MPPED1: variants seen among roughly 807,000 people sequenced by gnomAD.
MPPED1 encodes the protein metallophosphoesterase domain containing 1, also known as metallophosphoesterase domain-containing protein 1.
A neutral mutation model predicts 36.2 loss-of-function variants in MPPED1; 16 were observed. The observed-to-expected ratio is 0.44, with a 90% confidence interval of 0.30 to 0.67. The LOEUF is 0.67. Among genes scored for constraint, MPPED1 ranks in the 30% least tolerant of loss-of-function variants. MPPED1 has a pLI of 0.10. For synonymous variants in MPPED1, 199 were observed against 191.3 expected (o/e 1.04, Z -0.33); for missense variants, 307 against 453.4 (o/e 0.68, Z 2.93).
In MPPED1 at chr22:43,474,842, A is replaced by C. The variant is rs998992233; in HGVS notation, c.513A>C (p.Pro171=). ...DLIKQDFYYF[P]SVSKLKPENY... ...TCAAGCAGGACTTTTACTACTTCCC[A>C]TCTGTGTCGAAGCTGAAGCCGGAGA... The change falls in exon 4 of 7, where the codon CCA becomes CCC. Residue 171 remains proline, a synonymous_variant. Transcript: ENST00000443721. The surrounding 1 kb of genome is among the most constrained non-coding windows in gnomAD (Gnocchi z 5.2). 1 of 1,613,994 alleles carries C rather than the reference A, an allele frequency of 6.2e-7. No homozygotes were observed. Among genetic ancestry groups the C allele is most frequent in the Non-Finnish European group, 8.5e-7 (1 of 1,179,884 alleles).
At chr22:43,447,892 T>A (rs9612074) in intron 3 of MPPED1, among the ~76,000 whole-genome samples, 4 of 134,272 alleles carry the variant, frequency 3.0e-5, no homozygotes, top group African/African-American at 5.7e-5. Context: ...TATTTTTTTT[T>A]TTTTTAGACA....
rs750931418 is a variant in MPPED1, at chr22:43,425,110, G to C, written c.125G>C (p.Arg42Pro). 1.2e-6 allele frequency: 2 copies of C among 1,613,854 alleles called. No individual in the cohort carries two copies. The highest frequency in any genetic ancestry group is 1.7e-6 in the Non-Finnish European group (2 of 1,179,904). ...VMAARRHQHSRLIIEVDEYSS... is the reference protein window; with the variant it reads ...VMAARRHQHSPLIIEVDEYSS... ...GCCGCTCGGCGGCACCAGCACAGCC[G>C]GCTCATCATCGAGGTGGACGAGTAC... The change falls in exon 2 of 7, where the codon CGG becomes CCG. Residue 42 changes from arginine (R) to proline (P), a missense_variant. Physicochemically the swap from Arg to Pro is moderately radical, Grantham distance 103. Coordinates refer to ENST00000443721, the MANE Select transcript of MPPED1 (RefSeq NM_001044370.2).
At chr22:43,454,100 C>A (rs192893260) in intron 3 of MPPED1, among the ~76,000 whole-genome samples, 2 of 151,848 alleles carry the variant, frequency 1.3e-5, no homozygotes, top group Admixed American at 6.6e-5. Context: ...CCTCTGCCTC[C>A]CTGGTTCAAG....
chr22:43,467,681 G>A (rs963627935), intron 3 of MPPED1, among the ~76,000 whole-genome samples: 6 of 152,202 alleles, frequency 3.9e-5, no homozygotes, highest in Admixed American at 2.0e-4. Flanking sequence ...TACTAAAAAT[G>A]CAATCAGAGA....
intron 1 of MPPED1, among the ~76,000 whole-genome samples, chr22:43,421,171 C>G (rs1470659982): frequency 2.0e-5 from 3 of 152,270 alleles, no homozygotes; most frequent in Non-Finnish European, 2.9e-5. Flanking sequence ...TAGCTCAAAG[C>G]TGTTTGTTTG....
intron 3 of MPPED1, among the ~76,000 whole-genome samples, chr22:43,447,318 C>T (rs1485822502): frequency 6.6e-6 from 1 of 152,132 alleles, no homozygotes; most frequent in African/African-American, 2.4e-5. Flanking sequence ...GGATATGAAA[C>T]AAGCCTGTAG....
intron 4 of MPPED1, among the ~76,000 whole-genome samples, chr22:43,495,606 T>TGGAGGA (rs1448874533): frequency 1.2e-5 from 1 of 86,792 alleles, no homozygotes; most frequent in African/African-American, 3.6e-5. Context: ...GTGGTGATGG[T>TGGAGGA]GGAGGTAGTA....
chr22:43,452,302 A>C (rs1372022337), intron 3 of MPPED1, among the ~76,000 whole-genome samples: 1 of 151,932 alleles, frequency 6.6e-6, no homozygotes, highest in African/African-American at 2.4e-5. Flanking sequence ...GTGTGAGCCA[A>C]TGCGCCCAGC....
chr22:43,416,561 C>T (rs750411196), intron 1 of MPPED1: 6 of 152,128 alleles, frequency 3.9e-5, no homozygotes, highest in African/African-American at 9.7e-5. Context: ...GATATATAAG[C>T]GGGAAGGGGA....
chr22:43,437,323 G>A lies in MPPED1; in HGVS notation c.406+2108G>A, dbSNP rs189985742. 2.1e-4 allele frequency among the ~76,000 whole-genome samples: 32 copies of A among 152,288 alleles called. No homozygotes were observed. In the East Asian group the frequency reaches 3.5e-3, roughly 17 times the overall value. The stretch of plus-strand genomic sequence containing the variant: ...GAGCATTTAGTATGTGCTGGGTGCT[G>A]TTCTATACCCTTCGCATGTATTAGT... On this transcript the variant is annotated intron_variant, in intron 3 of 6. Coordinates refer to ENST00000443721, the MANE Select transcript of MPPED1 (RefSeq NM_001044370.2).
chr22:43,502,728 G>T lies in MPPED1; in HGVS notation c.833G>T (p.Arg278Leu). 1 of 1,613,294 alleles carries T rather than the reference G, an allele frequency of 6.2e-7. No homozygotes were observed. Among genetic ancestry groups the T allele is most frequent in the Non-Finnish European group, 8.5e-7 (1 of 1,179,864 alleles). Residue 278 changes from arginine to leucine, a missense_variant, in exon 6 of 7, where the codon CGG becomes CTG. By Grantham distance (102) the Arg-to-Leu change is moderately radical (BLOSUM62 -2). This residue lies in a region of MPPED1 where 132 missense variants were observed against 212.3 expected (regional missense o/e 0.62). Transcript: ENST00000443721. This position sits in a 1 kb window ranked among gnomAD's most constrained non-coding sequence, Gnocchi z 5.5. ...ACGGTGCAGAGGCGCGTCCAGCCGC[G>T]GTTACATGTCTTTGGCCACATCCAC... ...LNTVQRRVQP[R>L]LHVFGHIHEG...
At chr22:43,505,162 T>G (rs118122922) in intron 6 of MPPED1, among the ~76,000 whole-genome samples, 5,763 of 151,204 alleles carry the variant, frequency 0.038, 163 homozygotes, top group Non-Finnish European at 0.055. Context: ...ATGTTGATAG[T>G]GATGATGGTG....
chr22:43,493,961 AGCCTAGAGAG>A, intron 4 of MPPED1, among the ~76,000 whole-genome samples: 1 of 152,186 alleles, frequency 6.6e-6, no homozygotes, highest in Non-Finnish European at 1.5e-5. Context: ...GGAGGCTAGA[AGCCTAGAGAG>A]GCCTCTGCAA....
intron 4 of MPPED1, among the ~76,000 whole-genome samples, chr22:43,485,585 C>T (rs1396867034): frequency 1.3e-5 from 2 of 152,098 alleles, no homozygotes; most frequent in Non-Finnish European, 2.9e-5. Flanking sequence ...TCTTCTGCCC[C>T]CTTCCTATCT....
intron 3 of MPPED1, among the ~76,000 whole-genome samples, chr22:43,439,151 C>T (rs899315740): frequency 1.5e-4 from 23 of 152,190 alleles, no homozygotes; most frequent in African/African-American, 5.1e-4. Context: ...GCTGTCAGCT[C>T]GGCTGTGACT....
At chr22:43,466,427 C>T (rs1214232987) in intron 3 of MPPED1, among the ~76,000 whole-genome samples, 2 of 152,202 alleles carry the variant, frequency 1.3e-5, no homozygotes, top group African/African-American at 4.8e-5. Flanking sequence ...TTCTCATCTC[C>T]AGCTTCGCAG....
At chr22:43,450,517 C>T (rs1312381968) in intron 3 of MPPED1, among the ~76,000 whole-genome samples, 1 of 152,230 alleles carries the variant, frequency 6.6e-6, no homozygotes, top group Non-Finnish European at 1.5e-5. Context: ...CATGTTCTGT[C>T]TGCTCTCTGA....
At chr22:43,501,019 C>T (rs1234821013) in intron 5 of MPPED1, among the ~76,000 whole-genome samples, 2 of 152,088 alleles carry the variant, frequency 1.3e-5, no homozygotes, top group East Asian at 1.9e-4. Flanking sequence ...GGAAGAAAAT[C>T]CTGATACCAC....
chr22:43,451,823 C>A (rs909297815), intron 3 of MPPED1, among the ~76,000 whole-genome samples: 20 of 152,304 alleles, frequency 1.3e-4, no homozygotes, highest in African/African-American at 4.3e-4. Flanking sequence ...CTAGGCCTGG[C>A]TCCACCCCTC....
Sources: gnomAD v4.1 joint callset for allele counts (sites outside exome capture counted in the v4.1 genomes callset) on GRCh38, gnomAD v4.1.1 for gene constraint, gnomAD v4.1.1 regional missense constraint, Gnocchi (gnomAD v3.1) non-coding constraint, MANE v1.5 for transcripts, NCBI Gene and HGNC (gene_info 2026-07-23, HGNC 2026-07-21) for gene names.